LINGO2: variants seen among roughly 807,000 people sequenced by gnomAD.
LINGO2 encodes the protein leucine rich repeat and Ig domain containing 2.
LINGO2 carries 14 observed loss-of-function variants against 30.6 expected under a neutral mutation model. The ratio of observed to expected loss-of-function variants is 0.46; its 90% CI spans 0.30 to 0.72. LINGO2 has a LOEUF of 0.72. Among genes scored for constraint, LINGO2 ranks in the 30% least tolerant of loss-of-function variants. LINGO2 has a pLI of 0.07. For missense variants in LINGO2, 729 were observed against 751.7 expected (o/e 0.97, Z 0.35); for synonymous variants, 317 against 288.5 (o/e 1.10, Z -1.00).
intron 5 of LINGO2, among the ~76,000 whole-genome samples, chr9:28,009,405 A>G (rs562211913): frequency 8.0e-4 from 121 of 152,050 alleles, no homozygotes; most frequent in Non-Finnish European, 1.5e-3. Context: ...CTAGTGCTGC[A>G]AATAATACCA....
chr9:28,588,356 T>C (rs1365535256), intron 1 of LINGO2, among the ~76,000 whole-genome samples: 1 of 151,944 alleles, frequency 6.6e-6, no homozygotes, highest in Admixed American at 6.6e-5. Flanking sequence ...ATTTGAAAAA[T>C]TCCCAGGGGC....
intron 1 of LINGO2, among the ~76,000 whole-genome samples, chr9:28,651,739 A>G (rs987489422): frequency 5.9e-5 from 9 of 152,138 alleles, no homozygotes; most frequent in African/African-American, 2.2e-4. Context: ...CCCCTCTGCC[A>G]TTGTCTCTAA....
At chr9:28,486,233 G>A (rs1031246735) in intron 1 of LINGO2, among the ~76,000 whole-genome samples, 1 of 152,012 alleles carries the variant, frequency 6.6e-6, no homozygotes, top group Non-Finnish European at 1.5e-5. Context: ...CTGTTGTTTG[G>A]CCTAATTATT....
chr9:28,887,208 C>A, the LINGO2 span, among the ~76,000 whole-genome samples: 1 of 152,090 alleles, frequency 6.6e-6, no homozygotes, highest in East Asian at 1.9e-4. Context: ...ATAGAGATGT[C>A]TGCTGAGTTG....
the LINGO2 span, among the ~76,000 whole-genome samples, chr9:29,071,595 T>G: frequency 6.7e-6 from 1 of 149,958 alleles, no homozygotes; most frequent in South Asian, 2.1e-4. Context: ...AACAGAACAA[T>G]TTAAGCACTG....
chr9:28,693,549 G>A, the LINGO2 span, among the ~76,000 whole-genome samples: 2 of 152,044 alleles, frequency 1.3e-5, no homozygotes, highest in Non-Finnish European at 2.9e-5. Flanking sequence ...AAGTACAAAG[G>A]AAGACATCCT....
the LINGO2 span, among the ~76,000 whole-genome samples, chr9:28,757,491 C>G: frequency 7.9e-5 from 12 of 151,988 alleles, no homozygotes; most frequent in African/African-American, 2.9e-4. Flanking sequence ...TAACTTGACC[C>G]CCCTAAGACA....
At chr9:28,945,800 A>C in the LINGO2 span, among the ~76,000 whole-genome samples, 3 of 152,194 alleles carry the variant, frequency 2.0e-5, no homozygotes, top group African/African-American at 7.2e-5. Flanking sequence ...GAACATTGTC[A>C]TACAGGTTAT....
At chr9:28,908,138 TATACACACACACACAC>T in the LINGO2 span, among the ~76,000 whole-genome samples, 3 of 95,062 alleles carry the variant, frequency 3.2e-5, no homozygotes. Flanking sequence ...CATGGGAAGC[TATACACACACACACAC>T]ATACACACAC....
chr9:28,427,220 G>A (rs1433766209), intron 2 of LINGO2, among the ~76,000 whole-genome samples: 1 of 151,986 alleles, frequency 6.6e-6, no homozygotes, highest in Non-Finnish European at 1.5e-5. Flanking sequence ...ATAGTCTAGA[G>A]GAGTTGAAAA....
rs142629005 is a variant in LINGO2, at chr9:28,293,062, G to A, written c.-87+2146C>T. Reference sequence around the variant, plus strand: ...GCTGGGATTACAGCCTTGAGCCACCGCACCCGGCTGGCCCTGATTTTTTAA... The same window carrying A: ...GCTGGGATTACAGCCTTGAGCCACCACACCCGGCTGGCCCTGATTTTTTAA... On this transcript the variant is annotated intron_variant, in intron 4 of 5. Coordinates refer to ENST00000379992, the Ensembl canonical transcript of LINGO2. 7.3e-3 allele frequency among the ~76,000 whole-genome samples: 1,108 copies of A among 151,692 alleles called. 5 individuals are homozygous for A. The highest frequency in any genetic ancestry group is 0.024 in the Middle Eastern group (7 of 294).
At chr9:28,900,195 C>A in the LINGO2 span, among the ~76,000 whole-genome samples, 2 of 152,160 alleles carry the variant, frequency 1.3e-5, no homozygotes, top group African/African-American at 4.8e-5. Flanking sequence ...TCCCCAGCAG[C>A]TGGCTGGCCA....
At chr9:28,870,095 T>C in the LINGO2 span, among the ~76,000 whole-genome samples, 1 of 152,172 alleles carries the variant, frequency 6.6e-6, no homozygotes, top group East Asian at 1.9e-4. Flanking sequence ...TTACTTTATT[T>C]TCCCATTTGT....
chr9:28,595,990 C>T (rs1330302896), intron 1 of LINGO2, among the ~76,000 whole-genome samples: 1 of 152,042 alleles, frequency 6.6e-6, no homozygotes, highest in Non-Finnish European at 1.5e-5. Context: ...TATCATTTTG[C>T]ACAAATGCAC....
intron 5 of LINGO2, among the ~76,000 whole-genome samples, chr9:27,977,504 A>G (rs969190118): frequency 7.2e-5 from 11 of 152,002 alleles, no homozygotes; most frequent in Non-Finnish European, 8.8e-5. Context: ...CTACAAGTAT[A>G]AATAAAAATA....
chr9:29,188,211 G>A, the LINGO2 span, among the ~76,000 whole-genome samples: 1 of 151,558 alleles, frequency 6.6e-6, no homozygotes, highest in Non-Finnish European at 1.5e-5. Flanking sequence ...GTAGGGAGTG[G>A]TGATGACTCT....
intron 1 of LINGO2, among the ~76,000 whole-genome samples, chr9:28,502,097 GT>G (rs1331352964): frequency 6.0e-5 from 9 of 150,208 alleles, no homozygotes; most frequent in Non-Finnish European, 1.3e-4. Context: ...CACATTGCAG[GT>G]TTTGGTTTCC....
At chr9:28,904,552 T>C in the LINGO2 span, among the ~76,000 whole-genome samples, 1 of 151,948 alleles carries the variant, frequency 6.6e-6, no homozygotes, top group Non-Finnish European at 1.5e-5. Context: ...ACTGTTTTTA[T>C]ACACTAACAA....
intron 4 of LINGO2, among the ~76,000 whole-genome samples, chr9:28,172,005 A>T: frequency 1.0e-5 from 1 of 99,634 alleles, no homozygotes. Context: ...TGACAGAGCA[A>T]GACTCCGTCT....
Sources: allele counts gnomAD v4.1 joint callset (sites outside exome capture counted in the v4.1 genomes callset), GRCh38; gene constraint gnomAD v4.1.1; transcripts MANE v1.5; gene names NCBI Gene and HGNC (gene_info 2026-07-23, HGNC 2026-07-21).